CSMD1: variants seen among roughly 807,000 people sequenced by gnomAD.
CSMD1 encodes the protein CUB and Sushi multiple domains 1.
In CSMD1, 213 loss-of-function variants were observed where a neutral mutation model predicts 417.5. The ratio of observed to expected loss-of-function variants is 0.51; its 90% CI spans 0.46 to 0.57. CSMD1 has a LOEUF of 0.57. Ranked by LOEUF, CSMD1 falls within the 20% of genes least tolerant of loss-of-function variation. The pLI, the probability that CSMD1 is intolerant of heterozygous loss-of-function variation, is 0.00. For missense variants in CSMD1, 6,923 were observed against 4,529.7 expected (o/e 1.53, Z -15.17); for synonymous variants, 2,862 against 1,736.8 (o/e 1.65, Z -16.11).
At chr8:3,970,845 G>A (rs763254313) in intron 5 of CSMD1, among the ~76,000 whole-genome samples, 7 of 151,938 alleles carry the variant, frequency 4.6e-5, no homozygotes, top group African/African-American at 7.3e-5. Flanking sequence ...TCCGCCTCCC[G>A]GGTTCACGCC....
At chr8:4,147,799 G>A (rs1017980245) in intron 3 of CSMD1, among the ~76,000 whole-genome samples, 4 of 152,044 alleles carry the variant, frequency 2.6e-5, no homozygotes, top group African/African-American at 4.8e-5. Context: ...CCAATGTGCC[G>A]ACTCCAAAGC....
In CSMD1 at chr8:3,469,733, A is replaced by C. The variant is rs115680142; in HGVS notation, c.1449-909T>G. ...CATATCATCTGTCTATCAACCCTACATCCTCACCTTAGGCAGTACAGAGCA... is the reference window on the plus strand; with the variant it reads ...CATATCATCTGTCTATCAACCCTACCTCCTCACCTTAGGCAGTACAGAGCA... On this transcript the variant is annotated intron_variant, in intron 11 of 69. Transcript: ENST00000635120. Among the ~76,000 whole-genome samples, 3 of 152,334 alleles carry C rather than the reference A, an allele frequency of 2.0e-5. No individual in the cohort carries two copies. The East Asian group carries it at 5.8e-4, about 29-fold the overall frequency.
intron 40 of CSMD1, among the ~76,000 whole-genome samples, chr8:3,150,448 C>G (rs1401601747): frequency 6.6e-6 from 1 of 152,226 alleles, no homozygotes; most frequent in Non-Finnish European, 1.5e-5. Flanking sequence ...CGGCCACTCT[C>G]TGCTGAGCAA....
At chr8:3,249,721 A>G (rs1430782096) in intron 26 of CSMD1, among the ~76,000 whole-genome samples, 2 of 150,414 alleles carry the variant, frequency 1.3e-5, no homozygotes, top group South Asian at 2.1e-4. Context: ...CATTTATAAT[A>G]AGCTCCAAGA....
intron 42 of CSMD1, among the ~76,000 whole-genome samples, chr8:3,112,396 T>C (rs1039901851): frequency 1.6e-4 from 24 of 152,234 alleles, no homozygotes; most frequent in African/African-American, 5.8e-4. Flanking sequence ...ACCCTTCCTG[T>C]TGGGAAAACA....
At chr8:3,163,647 TA>T (rs1226875919) in intron 37 of CSMD1, among the ~76,000 whole-genome samples, 5 of 147,966 alleles carry the variant, frequency 3.4e-5, no homozygotes, top group African/African-American at 1.2e-4. Context: ...AGTGCAAAGA[TA>T]AAATGATTAA....
chr8:4,001,736 A>C (rs1316056213), intron 4 of CSMD1, among the ~76,000 whole-genome samples: 1 of 152,230 alleles, frequency 6.6e-6, no homozygotes, highest in Non-Finnish European at 1.5e-5. Context: ...CAGCATGAGT[A>C]CTAGGCTCAC....
intron 5 of CSMD1, among the ~76,000 whole-genome samples, chr8:3,870,869 A>C (rs1805437853): frequency 6.6e-6 from 1 of 152,100 alleles, no homozygotes; most frequent in African/African-American, 2.4e-5. Context: ...GGTTCCTTAG[A>C]TGCCTGAGTT....
At chr8:4,524,513 C>T (rs887010351) in intron 2 of CSMD1, among the ~76,000 whole-genome samples, 3 of 149,328 alleles carry the variant, frequency 2.0e-5, no homozygotes, top group African/African-American at 7.4e-5. Context: ...GATGGGAAAA[C>T]ATGACAGCAG....
At chr8:4,724,008 C>T (rs952885883) in intron 1 of CSMD1, among the ~76,000 whole-genome samples, 2 of 151,998 alleles carry the variant, frequency 1.3e-5, no homozygotes, top group African/African-American at 2.4e-5. Context: ...AAATATGATG[C>T]TCTGTCATGA....
chr8:3,519,439 G>A (rs1344508849), intron 10 of CSMD1, among the ~76,000 whole-genome samples: 1 of 152,120 alleles, frequency 6.6e-6, no homozygotes, highest in East Asian at 1.9e-4. Context: ...AAAAGATGAA[G>A]TTTCTTGATC....
At chr8:3,235,930 T>TTC (rs1799127166) in intron 26 of CSMD1, among the ~76,000 whole-genome samples, 1 of 147,290 alleles carries the variant, frequency 6.8e-6, no homozygotes. Flanking sequence ...TTTTTTTTTT[T>TTC]TTTTTGAGAC....
At chr8:4,074,363 C>T (rs999013757) in intron 3 of CSMD1, among the ~76,000 whole-genome samples, 1 of 151,960 alleles carries the variant, frequency 6.6e-6, no homozygotes. Context: ...GTATTTAGTC[C>T]ATAAATGATA....
At chr8:3,578,415 C>T (rs1199993145) in intron 9 of CSMD1, among the ~76,000 whole-genome samples, 1 of 152,056 alleles carries the variant, frequency 6.6e-6, no homozygotes, top group Non-Finnish European at 1.5e-5. Context: ...GCCTGCGAGG[C>T]AGGAAGAATA....
intron 5 of CSMD1, among the ~76,000 whole-genome samples, chr8:3,827,210 C>G (rs1003077385): frequency 6.6e-6 from 1 of 152,174 alleles, no homozygotes; most frequent in Non-Finnish European, 1.5e-5. Flanking sequence ...AGAGTAGGGA[C>G]AAACTTGTCT....
At chr8:4,398,425 C>G (rs1416840474) in intron 3 of CSMD1, among the ~76,000 whole-genome samples, 2 of 122,022 alleles carry the variant, frequency 1.6e-5, no homozygotes, top group African/African-American at 6.1e-5. Flanking sequence ...TAGAGTCTCA[C>G]TCTGTCACCC....
chr8:3,744,308 G>C (rs1011299605), intron 6 of CSMD1, among the ~76,000 whole-genome samples: 2 of 152,160 alleles, frequency 1.3e-5, no homozygotes, highest in Non-Finnish European at 2.9e-5. Context: ...ACACAGCACG[G>C]AGAGCATCTA....
intron 2 of CSMD1, among the ~76,000 whole-genome samples, chr8:4,538,920 C>A (rs1797243229): frequency 6.6e-6 from 1 of 152,046 alleles, no homozygotes; most frequent in Non-Finnish European, 1.5e-5. Context: ...ATCTAAAAGC[C>A]CATATTGAAT....
chr8:3,896,569 T>C (rs1807381094), intron 5 of CSMD1, among the ~76,000 whole-genome samples: 1 of 151,996 alleles, frequency 6.6e-6, no homozygotes, highest in Non-Finnish European at 1.5e-5. Context: ...TGGAGTGCAG[T>C]GGCGTGATCT....
Sources: gnomAD v4.1 joint callset for allele counts (sites outside exome capture counted in the v4.1 genomes callset) on GRCh38, gnomAD v4.1.1 for gene constraint, MANE v1.5 for transcripts, NCBI Gene and HGNC (gene_info 2026-07-23, HGNC 2026-07-21) for gene names.